The following KIFBP variants were observed in gnomAD, a reference collection of about 807,000 sequenced individuals.
KIFBP encodes kinesin family binding protein, also known as KIF-binding protein.
Under a neutral mutation model 58.9 loss-of-function variants are expected in KIFBP, and 46 were observed. The ratio of observed to expected loss-of-function variants is 0.78; its 90% CI spans 0.62 to 1.00. The LOEUF (loss-of-function observed/expected upper bound fraction) is 1.00, where lower values mean the gene tolerates loss of function less well. KIFBP is among the 50% of genes least tolerant of loss of function. KIFBP has a pLI of 0.00. For synonymous variants in KIFBP, 241 were observed against 283.4 expected (o/e 0.85, Z 1.50); for missense variants, 651 against 752.9 (o/e 0.86, Z 1.58).
rs1463585808 is a variant in KIFBP, at chr10:68,998,783, T to A, written c.427-1641T>A. On this transcript the variant is annotated intron_variant, in intron 1 of 6. Transcript: ENST00000361983. Reference sequence around the variant, plus strand: ...TATATATATATATATTTTTTTTTTTTTTTTTTTTTTGAGACAGAGTCTCAA... The same window carrying A: ...TATATATATATATATTTTTTTTTTTATTTTTTTTTTGAGACAGAGTCTCAA... 2.2e-4 allele frequency among the ~76,000 whole-genome samples: 28 copies of A among 128,556 alleles called. 1 individual carries two copies. Among genetic ancestry groups the A allele is most frequent in the Non-Finnish European group, 4.6e-4 (28 of 60,680 alleles). 84.3% of individuals were successfully genotyped at this position (128,556 alleles called of 152,430 possible). A position where few individuals can be genotyped will look rare whatever the true frequency, so the allele number is the denominator to read the frequency against.
chr10:69,010,332 A>T (rs1249522651), intron 5 of KIFBP, among the ~76,000 whole-genome samples: 1 of 152,218 alleles, frequency 6.6e-6, no homozygotes, highest in African/African-American at 2.4e-5. Context: ...CAAAATCCAG[A>T]CAGATTTTTG....
intron 4 of KIFBP, among the ~76,000 whole-genome samples, chr10:69,008,391 A>AAATATATATATATATATATATATAT: frequency 2.8e-5 from 2 of 71,590 alleles, no homozygotes; most frequent in African/African-American, 1.6e-4. Flanking sequence ...AAAAAAAAAA[A>AAATATATATATATATATATATATAT]ATATATATAT....
chr10:69,005,773 A>G lies in KIFBP; in HGVS notation c.647A>G (p.Gln216Arg). The G allele has an allele frequency of 6.2e-7, 1 of 1,613,716 alleles. No individual in the cohort carries two copies. Among genetic ancestry groups the G allele is most frequent in the Non-Finnish European group, 8.5e-7 (1 of 1,179,626 alleles). Reference sequence around the variant, plus strand: ...ACTCATAACCTATATTACCTAGCTCAAGTCTACCAGCATCTGGAAATGTTT... The same window carrying G: ...ACTCATAACCTATATTACCTAGCTCGAGTCTACCAGCATCTGGAAATGTTT... ...VYTHNLYYLA[Q>R]VYQHLEMFEK... Residue 216 changes from glutamine (Q) to arginine (R), a missense_variant, in exon 4 of 7, where the codon CAA (glutamine) becomes CGA (arginine). Coordinates refer to ENST00000361983, the MANE Select transcript of KIFBP (RefSeq NM_015634.4).
chr10:69,008,391 A>ATATATATATATAT (rs1554843385), intron 4 of KIFBP, among the ~76,000 whole-genome samples: 32 of 71,574 alleles, frequency 4.5e-4, no homozygotes, highest in African/African-American at 7.8e-4. Context: ...AAAAAAAAAA[A>ATATATATATATAT]ATATATATAT....
At chr10:69,008,418 A>ATATATATT (rs1159262992) in intron 4 of KIFBP, among the ~76,000 whole-genome samples, 1 of 139,598 alleles carries the variant, frequency 7.2e-6, no homozygotes, top group Non-Finnish European at 1.5e-5. Flanking sequence ...ATATATATAT[A>ATATATATT]TTCAGTCTTC....
At chr10:68,989,656 A>G (rs1447760132) in intron 1 of KIFBP, 2 of 230,492 alleles carry the variant, frequency 8.7e-6, no homozygotes, top group Non-Finnish European at 1.7e-5. Flanking sequence ...CGTCTCAAGG[A>G]AATGACAATG....
intron 4 of KIFBP, among the ~76,000 whole-genome samples, chr10:69,008,391 A>AAAAAAAATATATATATATATAT: frequency 5.6e-5 from 4 of 71,588 alleles, no homozygotes; most frequent in African/African-American, 3.1e-4. Context: ...AAAAAAAAAA[A>AAAAAAAATATATATATATATAT]ATATATATAT....
Position 69,016,164 on chromosome 10 carries a change from T to C in KIFBP, c.1614T>C (p.Asp538=). 1 of 1,614,198 alleles carries C rather than the reference T, an allele frequency of 6.2e-7. No individual in the cohort carries two copies. The highest frequency in any genetic ancestry group is 8.5e-7 in the Non-Finnish European group (1 of 1,180,040). Residue 538 remains aspartate (D), a synonymous_variant, in exon 7 of 7, where the codon GAT becomes GAC. Coordinates refer to ENST00000361983, the MANE Select transcript of KIFBP (RefSeq NM_015634.4). ...TATTCCCTGAGCATATAGGGGAAGATGTTCTTCGCCCTGCCATGTTAGCTA... is the reference window on the plus strand; with the variant it reads ...TATTCCCTGAGCATATAGGGGAAGACGTTCTTCGCCCTGCCATGTTAGCTA... ...NKVFPEHIGE[D]VLRPAMLAKF... is the part of the protein sequence containing the mutation.
intron 5 of KIFBP, 94 bp downstream of exon 5, chr10:69,009,019 C>G: frequency 1.1e-6 from 1 of 933,010 alleles, no homozygotes; most frequent in Non-Finnish European, 1.7e-6. Flanking sequence ...AACAGAAGAG[C>G]TATCATATGC....
chr10:69,010,881 A>C lies in KIFBP; in HGVS notation c.875-19A>C. The C allele has an allele frequency of 1.3e-6, 2 of 1,520,306 alleles. No homozygotes were observed. Among genetic ancestry groups the C allele is most frequent in the Non-Finnish European group, 1.8e-6 (2 of 1,094,716 alleles). The allele number at this position is 1,520,306 out of a possible 1,614,324, so 94.2% of individuals were successfully genotyped here. A position where few individuals can be genotyped will look rare whatever the true frequency, so the allele number is the denominator to read the frequency against. ...ACAGTTGTGACCATTAACTTAAACA[A>C]ATCACATGTATATTTTAGCTCCTGA... On this transcript the variant is annotated intron_variant, in intron 5 of 6. Coordinates refer to ENST00000361983, the MANE Select transcript of KIFBP (RefSeq NM_015634.4).
intron 2 of KIFBP, among the ~76,000 whole-genome samples, chr10:69,001,691 G>T (rs981613596): frequency 6.6e-6 from 1 of 151,706 alleles, no homozygotes; most frequent in East Asian, 1.9e-4. Flanking sequence ...GGCAGAGGCT[G>T]CAGTGAACTG....
At position 68,988,851 on chromosome 10, in the gene KIFBP, G is replaced by T. The variant is rs1843307363; in HGVS notation, c.19G>T (p.Ala7Ser). The T allele has an allele frequency of 1.2e-6, 2 of 1,614,278 alleles. No homozygotes were observed. The highest frequency in any genetic ancestry group is 1.7e-6 in the Non-Finnish European group (2 of 1,180,052). The change falls in exon 1 of 7, where the codon GCA (alanine) becomes TCA (serine). Residue 7 changes from alanine (A) to serine (S), a missense_variant. Physicochemically the swap from Ala to Ser is moderately conservative, Grantham distance 99. Coordinates refer to ENST00000361983, the MANE Select transcript of KIFBP (RefSeq NM_015634.4). The part of the protein sequence containing the change: MANVPW[A>S]EVCEKFQAAL... ...GGCCGCTATGGCGAACGTTCCGTGG[G>T]CAGAGGTCTGCGAGAAATTCCAGGC...
intron 4 of KIFBP, chr10:69,007,734 C>T (rs1449390058): frequency 6.6e-6 from 1 of 152,144 alleles, no homozygotes; most frequent in Admixed American, 6.6e-5. Flanking sequence ...TTATAGCCAA[C>T]CATTTAAAGC....
In KIFBP at chr10:69,003,734, A is replaced by T. The variant is rs533746953; in HGVS notation, c.526-1312A>T. ...ATCTGGTTTTAATGTCCCTGTATTG[A>T]AAGGGGGTAATACACTTTTGTTATT... is the stretch of plus-strand genomic sequence containing the variant. On this transcript the variant is annotated intron_variant, in intron 2 of 6. Coordinates refer to ENST00000361983, the MANE Select transcript of KIFBP (RefSeq NM_015634.4). Among the ~76,000 whole-genome samples, 4 of 152,364 alleles carry T rather than the reference A, an allele frequency of 2.6e-5. No homozygotes were observed. The South Asian group carries it at 8.3e-4, about 32-fold the overall frequency.
At chr10:69,000,311 G>A in intron 1 of KIFBP, 113 bp from the exon 2 acceptor site, 1 of 738,952 alleles carries the variant, frequency 1.4e-6, no homozygotes. Context: ...TAATTCATTG[G>A]TAATCCAACT....
At chr10:68,999,032 C>T (rs200598856) in intron 1 of KIFBP, among the ~76,000 whole-genome samples, 16 of 151,740 alleles carry the variant, frequency 1.1e-4, no homozygotes, top group Middle Eastern at 3.4e-3. Context: ...CTGCCTACTT[C>T]GGCCTCCCAA....
At chr10:68,994,828 G>T (rs1318744377) in intron 1 of KIFBP, among the ~76,000 whole-genome samples, 3 of 151,664 alleles carry the variant, frequency 2.0e-5, no homozygotes, top group African/African-American at 7.3e-5. Context: ...AAGTTTTCTT[G>T]TGCTCCTTTG....
rs565446825 is a variant in KIFBP at position 69,014,762 on chromosome 10, G to C, written c.991-779G>C. On this transcript the variant is annotated intron_variant, in intron 6 of 6. Transcript: ENST00000361983. ...GTAGAGGAGATAAAACTTTAACTAG[G>C]AAGGTAGATTTAACTCTTTGTTCAC... is the stretch of plus-strand genomic sequence containing the variant. Among the ~76,000 whole-genome samples, 24 of 148,488 alleles carry C rather than the reference G, an allele frequency of 1.6e-4. No homozygotes were observed. The South Asian group carries it at 4.6e-3, about 29-fold the overall frequency.
chr10:69,006,598 C>T (rs981857924), intron 4 of KIFBP, among the ~76,000 whole-genome samples: 1 of 152,154 alleles, frequency 6.6e-6, no homozygotes, highest in African/African-American at 2.4e-5. Context: ...TAATTTTACA[C>T]CACCTTTTCT....
Sources: gnomAD v4.1 joint callset for allele counts (sites outside exome capture counted in the v4.1 genomes callset) on GRCh38, gnomAD v4.1.1 for gene constraint, MANE v1.5 for transcripts, NCBI Gene and HGNC (gene_info 2026-07-23, HGNC 2026-07-21) for gene names.